The following DYSF variants were observed in gnomAD, a reference collection of about 807,000 sequenced individuals.
The protein encoded by DYSF is dysferlin, also known as dystrophy-associated fer-1-like 1.
In DYSF, 212 loss-of-function variants were observed where a neutral mutation model predicts 274.9. The ratio of observed to expected loss-of-function variants is 0.77; its 90% CI spans 0.69 to 0.86. The LOEUF (loss-of-function observed/expected upper bound fraction) is 0.86. DYSF is among the 40% of genes least tolerant of loss of function. The pLI, the probability that DYSF is intolerant of heterozygous loss-of-function variation, is 0.00. For missense variants in DYSF, 2,666 were observed against 2,783.2 expected (o/e 0.96, Z 0.95); for synonymous variants, 1,091 against 1,078.7 (o/e 1.01, Z -0.22).
At chr2:71,663,881 T>G (rs561440578) in intron 45 of DYSF, among the ~76,000 whole-genome samples, 1 of 151,912 alleles carries the variant, frequency 6.6e-6, no homozygotes, top group African/African-American at 2.4e-5. Flanking sequence ...GAGTCCTCCC[T>G]GGACTGGAGG....
At chr2:71,562,951 G>C (rs1195162281) in intron 23 of DYSF, among the ~76,000 whole-genome samples, 3 of 152,190 alleles carry the variant, frequency 2.0e-5, no homozygotes, top group Non-Finnish European at 4.4e-5. Context: ...GCTGGAAGGG[G>C]TTAAGGTCGA....
At chr2:71,555,876 A>C in intron 21 of DYSF, 89 bp from the exon 22 acceptor site, 1 of 1,021,614 alleles carries the variant, frequency 9.8e-7, no homozygotes, top group East Asian at 2.6e-5. Context: ...TTTTTGGTTC[A>C]GTAGCAGTGA....
At chr2:71,597,766 G>A (rs185315305) in intron 32 of DYSF, among the ~76,000 whole-genome samples, 156 of 152,196 alleles carry the variant, frequency 1.0e-3, no homozygotes, top group African/African-American at 3.3e-3. Context: ...GGGGCCTTTG[G>A]GTTTCTCGCA....
chr2:71,453,976 A>C (rs2080941841), exon 1 of DYSF: 14 of 1,613,230 alleles, frequency 8.7e-6, no homozygotes, highest in Non-Finnish European at 1.2e-5. Flanking sequence ...CCCTGGGCGC[A>C]CGGGGCCCTA....
chr2:71,561,334 T>G (rs1039956252), intron 22 of DYSF, among the ~76,000 whole-genome samples: 2 of 152,166 alleles, frequency 1.3e-5, no homozygotes, highest in African/African-American at 4.8e-5. Context: ...CAGACTTGTT[T>G]CAGTGCAGGG....
intron 52 of DYSF, among the ~76,000 whole-genome samples, chr2:71,674,831 AG>A (rs1352452747): frequency 2.6e-5 from 4 of 152,160 alleles, no homozygotes; most frequent in African/African-American, 9.7e-5. Flanking sequence ...TTGTAGGGTT[AG>A]GATATGGGGA....
intron 55 of DYSF, among the ~76,000 whole-genome samples, chr2:71,685,237 T>TC (rs1193555734): frequency 1.3e-5 from 2 of 152,006 alleles, no homozygotes; most frequent in Non-Finnish European, 2.9e-5. Flanking sequence ...CTGTCTCCTG[T>TC]CCCCCCAGCA....
At chr2:71,538,801 C>G (rs776728105) in intron 16 of DYSF, among the ~76,000 whole-genome samples, 1 of 152,176 alleles carries the variant, frequency 6.6e-6, no homozygotes, top group Non-Finnish European at 1.5e-5. Flanking sequence ...GAACCTGGCT[C>G]CCTGAACAGG....
At chr2:71,630,066 T>A (rs2094286574) in intron 41 of DYSF, among the ~76,000 whole-genome samples, 1 of 152,250 alleles carries the variant, frequency 6.6e-6, no homozygotes, top group South Asian at 2.1e-4. Context: ...GCCCTTAATA[T>A]CTTCTTTTTT....
chr2:71,553,757 A>AACAC, intron 20 of DYSF, 50 bp from the exon 21 acceptor site: 2 of 461,880 alleles, frequency 4.3e-6, no homozygotes, highest in Non-Finnish European at 6.7e-6. Flanking sequence ...ACCCCATCCC[A>AACAC]CCCGCCCTCC....
At chr2:71,520,100 G>T in intron 10 of DYSF, 78 bp from the exon 11 acceptor site, 1 of 1,552,766 alleles carries the variant, frequency 6.4e-7, no homozygotes, top group South Asian at 1.1e-5. Context: ...GTTTTTAATG[G>T]AATCATATAA....
chr2:71,550,944 T>A, intron 17 of DYSF, 97 bp from the exon 18 acceptor site: 1 of 1,026,572 alleles, frequency 9.7e-7, no homozygotes, highest in Non-Finnish European at 1.5e-6. Flanking sequence ...GGGGGGGAAC[T>A]GAGGGCCAGG....
intron 30 of DYSF, among the ~76,000 whole-genome samples, chr2:71,579,413 G>T (rs1351415737): frequency 1.3e-5 from 2 of 152,146 alleles, no homozygotes; most frequent in Non-Finnish European, 1.5e-5. Context: ...TTTTCTAAAG[G>T]CGTGCCTGAT....
intron 23 of DYSF, among the ~76,000 whole-genome samples, chr2:71,563,136 G>T (rs1191900941): frequency 6.6e-6 from 1 of 152,226 alleles, no homozygotes; most frequent in Non-Finnish European, 1.5e-5. Flanking sequence ...CCTGGAAGCT[G>T]CTGCTGCTGT....
In DYSF at chr2:71,599,020, C is replaced by T. The variant is rs182069906; in HGVS notation, c.3756+275C>T. On this transcript the variant is annotated intron_variant, in intron 33 of 55. Coordinates refer to ENST00000410020, the MANE Select transcript of DYSF (RefSeq NM_001130987.2). ...TGGGTTTTCTCTGCCTCTGCCTCGC[C>T]TGTGTGATCCCAGGCCAGTCCCTTC... Among the ~76,000 whole-genome samples the T allele has an allele frequency of 2.3e-3, 345 of 152,356 alleles. 2 individuals carry two copies. Among genetic ancestry groups the T allele is most frequent in the Middle Eastern group, 0.014 (4 of 294 alleles).
At chr2:71,515,814 C>G in intron 8 of DYSF, 63 bp downstream of exon 8, 1 of 1,607,474 alleles carries the variant, frequency 6.2e-7, no homozygotes. Flanking sequence ...AAGCCCAGTG[C>G]AGACACCTGG....
At chr2:71,642,609 G>C (rs1050392326) in intron 41 of DYSF, among the ~76,000 whole-genome samples, 1 of 152,164 alleles carries the variant, frequency 6.6e-6, no homozygotes, top group African/African-American at 2.4e-5. Flanking sequence ...CCGGGTAAGT[G>C]GGTCTGGTAG....
In DYSF at chr2:71,555,955, C is replaced by G. The variant is rs1325913112; in HGVS notation, c.2110-10C>G. Reference sequence around the variant, plus strand: ...GTGACACACCTGACCCTTGCCTGCCCATTCCACAGGAAGCTGGCCTGGAGC... The same window carrying G: ...GTGACACACCTGACCCTTGCCTGCCGATTCCACAGGAAGCTGGCCTGGAGC... On this transcript the variant is annotated splice_polypyrimidine_tract_variant and intron_variant, in intron 21 of 55. Coordinates refer to ENST00000410020, the MANE Select transcript of DYSF (RefSeq NM_001130987.2). 5 of 1,555,048 alleles carry G rather than the reference C, an allele frequency of 3.2e-6. No homozygotes were observed. Among genetic ancestry groups the G allele is most frequent in the Non-Finnish European group, 4.4e-6 (5 of 1,148,430 alleles).
chr2:71,521,291 T>C (rs986508877), intron 12 of DYSF, among the ~76,000 whole-genome samples: 2 of 152,198 alleles, frequency 1.3e-5, no homozygotes, highest in Non-Finnish European at 2.9e-5. Flanking sequence ...AGTTATAAGT[T>C]GGAGGTGGTA....
Sources: gnomAD v4.1 joint callset for allele counts (sites outside exome capture counted in the v4.1 genomes callset) on GRCh38, gnomAD v4.1.1 for gene constraint, MANE v1.5 for transcripts, NCBI Gene and HGNC (gene_info 2026-07-23, HGNC 2026-07-21) for gene names.